The following NECAP2 variants were observed in gnomAD, a reference collection of about 807,000 sequenced individuals.
NECAP2 encodes NECAP endocytosis associated 2.
In NECAP2, 38 loss-of-function variants were observed where a neutral mutation model predicts 37.8. That is an observed-to-expected ratio of 1.01 (90% CI 0.78 to 1.32). NECAP2 has a LOEUF of 1.32. Ranked by LOEUF, NECAP2 falls within the 40% of genes most tolerant of loss-of-function variation. NECAP2 has a pLI of 0.00. For synonymous variants in NECAP2, 121 were observed against 127.7 expected, an observed-to-expected ratio of 0.95 and a Z score of 0.35; for missense variants, 316 against 334.5, an observed-to-expected ratio of 0.94 and a Z score of 0.43.
intron 2 of NECAP2, among the ~76,000 whole-genome samples, chr1:16,445,334 T>C (rs1033579452): frequency 6.6e-6 from 1 of 152,186 alleles, no homozygotes; most frequent in Non-Finnish European, 1.5e-5. Context: ...GAGTCTTTGT[T>C]TTGGAGAGCT....
intron 5 of NECAP2, chr1:16,450,280 G>GT: frequency 2.8e-6 from 1 of 361,418 alleles, no homozygotes; most frequent in Non-Finnish European, 5.4e-6. Flanking sequence ...TTTTTGTTTT[G>GT]TTTTGTTGTT....
intron 5 of NECAP2, 135 bp from the exon 6 acceptor site, chr1:16,451,703 G>A: frequency 2.6e-6 from 2 of 782,008 alleles, no homozygotes; most frequent in Non-Finnish European, 4.4e-6. Flanking sequence ...TAGCAATGGA[G>A]GTGCTAGGTA....
intron 7 of NECAP2, among the ~76,000 whole-genome samples, chr1:16,457,402 C>G (rs2086936804): frequency 6.6e-6 from 1 of 152,008 alleles, no homozygotes; most frequent in African/African-American, 2.4e-5. Context: ...AGTCAGCTGA[C>G]ATCATGCCAC....
chr1:16,454,965 T>G (rs1332226335), intron 6 of NECAP2, among the ~76,000 whole-genome samples: 1 of 152,236 alleles, frequency 6.6e-6, no homozygotes, highest in Non-Finnish European at 1.5e-5. Context: ...GAATGGAAAC[T>G]GAAATGACCT....
At chr1:16,451,494 G>A (rs2086841820) in intron 5 of NECAP2, 1 of 250,292 alleles carries the variant, frequency 4.0e-6, no homozygotes, top group South Asian at 7.1e-5. Context: ...TTACACTTAA[G>A]CCAGCAGCGC....
At chr1:16,452,090 T>C in intron 6 of NECAP2, 75 bp downstream of exon 6, 3 of 1,415,242 alleles carry the variant, frequency 2.1e-6, no homozygotes, top group Non-Finnish European at 2.9e-6. Context: ...GCCCCATGGT[T>C]TCCCCCCCGT....
chr1:16,458,968 T>C lies in NECAP2; in HGVS notation c.*78T>C, dbSNP rs374130996. 2.5e-4 allele frequency: 401 copies of C among 1,611,894 alleles called. No homozygotes were observed. In the African/African-American group the frequency reaches 5.0e-3, roughly 20 times the overall value. ...GGCCAAAGGAAGGAGGACGAAGCCC[T>C]CCTCAGCTGGCCTGTGTTTGGGGCA... On this transcript the variant is annotated 3_prime_UTR_variant, in exon 8 of 8. Coordinates refer to ENST00000337132, the MANE Select transcript of NECAP2 (RefSeq NM_018090.5).
At chr1:16,455,221 A>G (rs902391298) in intron 6 of NECAP2, among the ~76,000 whole-genome samples, 1 of 152,228 alleles carries the variant, frequency 6.6e-6, no homozygotes, top group African/African-American at 2.4e-5. Flanking sequence ...GAAAAGCACA[A>G]AAGCAGGCAT....
chr1:16,448,930 G>C (rs576308526), intron 4 of NECAP2, among the ~76,000 whole-genome samples, 163 bp from the exon 5 acceptor site: 16 of 152,194 alleles, frequency 1.1e-4, no homozygotes, highest in Admixed American at 3.9e-4. Context: ...GTCAGATTGG[G>C]ATTTGAATTC....
In NECAP2 at chr1:16,459,813, T is replaced by TAA. The variant is rs780760509; in HGVS notation, c.*925_*926dup. 3.9e-5 allele frequency: 6 copies of TAA among 152,288 alleles called. No homozygotes were observed. Among genetic ancestry groups the TAA allele is most frequent in the South Asian group, 2.1e-4 (1 of 4,832 alleles). The allele number at this position is 152,288 out of a possible 1,614,324, so 9.4% of individuals were successfully genotyped here. A position where few individuals can be genotyped will look rare whatever the true frequency, so the allele number is the denominator to read the frequency against. On this transcript the variant is annotated 3_prime_UTR_variant, in exon 8 of 8. Transcript: ENST00000337132. ...CTTGGGTTTTCTCTTTGGTGGTTTC[T>TAA]AAAGTGCCTTATCTGCAAACAACTT...
intron 1 of NECAP2, chr1:16,441,505 G>C (rs79905867): frequency 6.6e-6 from 1 of 152,174 alleles, no homozygotes; most frequent in Non-Finnish European, 1.5e-5. Flanking sequence ...AACCGCCCTT[G>C]GAAGGAAACT....
At chr1:16,445,749 C>T (rs1252651640) in intron 2 of NECAP2, among the ~76,000 whole-genome samples, 1 of 151,964 alleles carries the variant, frequency 6.6e-6, no homozygotes, top group East Asian at 1.9e-4. Context: ...AATAAAAATA[C>T]AAAAATTAGC....
chr1:16,448,291 G>A (rs1055252995), intron 4 of NECAP2, 150 bp downstream of exon 4: 1 of 751,246 alleles, frequency 1.3e-6, no homozygotes, highest in Non-Finnish European at 2.4e-6. Context: ...TCTCTTCTCT[G>A]CCAATGTTCA....
chr1:16,440,909 C>T (rs1200614968), intron 1 of NECAP2, 56 bp downstream of exon 1: 1 of 1,470,588 alleles, frequency 6.8e-7, no homozygotes, highest in South Asian at 1.1e-5. Flanking sequence ...CTCCGCCACC[C>T]GGACACACCC....
At chr1:16,448,329 C>T in intron 4 of NECAP2, 188 bp downstream of exon 4, 1 of 636,122 alleles carries the variant, frequency 1.6e-6, no homozygotes, top group South Asian at 1.8e-5. Flanking sequence ...TCTCTTTTAC[C>T]TGAGGCTCAT....
chr1:16,446,533 A>G (rs1440647776), intron 2 of NECAP2, among the ~76,000 whole-genome samples: 2 of 151,082 alleles, frequency 1.3e-5, no homozygotes, highest in Non-Finnish European at 2.9e-5. Flanking sequence ...CTGCACTTCA[A>G]TCTGGGCAAC....
At chr1:16,457,414 C>G (rs2086936921) in intron 7 of NECAP2, among the ~76,000 whole-genome samples, 1 of 152,098 alleles carries the variant, frequency 6.6e-6, no homozygotes, top group African/African-American at 2.4e-5. Context: ...TCATGCCACT[C>G]TAGTCCAGCC....
chr1:16,448,848 A>G (rs2086800739), intron 4 of NECAP2, among the ~76,000 whole-genome samples: 1 of 152,200 alleles, frequency 6.6e-6, no homozygotes. Flanking sequence ...ATTCGTAGCC[A>G]TCTTGAAAAC....
At chr1:16,444,634 C>T (rs779283921) in intron 2 of NECAP2, among the ~76,000 whole-genome samples, 2 of 152,046 alleles carry the variant, frequency 1.3e-5, no homozygotes, top group Non-Finnish European at 2.9e-5. Flanking sequence ...TTACGGACTG[C>T]GAGGCAACCC....
Sources: gnomAD v4.1 joint callset for allele counts (sites outside exome capture counted in the v4.1 genomes callset) on GRCh38, gnomAD v4.1.1 for gene constraint, MANE v1.5 for transcripts, NCBI Gene and HGNC (gene_info 2026-07-23, HGNC 2026-07-21) for gene names.